MYO16: variants seen among roughly 807,000 people sequenced by gnomAD.
MYO16 encodes the protein unconventional myosin-XVI.
In MYO16, 94 loss-of-function variants were observed where a neutral mutation model predicts 205.3. The observed-to-expected ratio is 0.46, with a 90% CI of 0.39 to 0.54. The LOEUF is 0.54. Among genes scored for constraint, MYO16 ranks in the 20% least tolerant of loss-of-function variants. The pLI is 0.00. For synonymous variants in MYO16, 988 were observed against 954.0 expected (o/e 1.04, Z -0.66); for missense variants, 2,315 against 2,387.5 (o/e 0.97, Z 0.63).
intron 24 of MYO16, chr13:109,048,374 A>T (rs924375288): frequency 1.3e-6 from 1 of 757,896 alleles, no homozygotes; most frequent in East Asian, 2.4e-5. Context: ...CAGAATTTAC[A>T]ATGTACCCTT....
intron 4 of MYO16, among the ~76,000 whole-genome samples, chr13:108,748,696 C>A (rs1049549950): frequency 2.6e-5 from 4 of 152,026 alleles, no homozygotes; most frequent in Non-Finnish European, 5.9e-5. Context: ...GTCCAGTGAT[C>A]ATTGATGAAG....
chr13:108,944,019 A>C (rs1440326569), intron 16 of MYO16, among the ~76,000 whole-genome samples: 3 of 152,242 alleles, frequency 2.0e-5, no homozygotes, highest in African/African-American at 7.2e-5. Flanking sequence ...TGCGTTAGCA[A>C]ATCAGCTGAT....
intron 12 of MYO16, among the ~76,000 whole-genome samples, chr13:108,874,103 T>C (rs1566382704): frequency 6.6e-6 from 1 of 152,178 alleles, no homozygotes; most frequent in East Asian, 1.9e-4. Flanking sequence ...AAAAATCACA[T>C]ACTTCACTTC....
At chr13:108,928,394 T>C (rs1458128357) in intron 16 of MYO16, among the ~76,000 whole-genome samples, 2 of 152,220 alleles carry the variant, frequency 1.3e-5, no homozygotes, top group African/African-American at 4.8e-5. Context: ...CAATGTTATA[T>C]AGAATATTAT....
intron 8 of MYO16, 106 bp downstream of exon 8, chr13:108,820,518 G>A: frequency 1.1e-6 from 1 of 898,660 alleles, no homozygotes; most frequent in Non-Finnish European, 1.8e-6. Flanking sequence ...AGCTGGACAT[G>A]CCTGTGAAGC....
At chr13:108,502,363 C>T in the MYO16 span, among the ~76,000 whole-genome samples, 1 of 152,146 alleles carries the variant, frequency 6.6e-6, no homozygotes, top group Non-Finnish European at 1.5e-5. Flanking sequence ...AACTATTTAG[C>T]ATGATCGACA....
At chr13:108,554,459 C>A in the MYO16 span, among the ~76,000 whole-genome samples, 1 of 152,242 alleles carries the variant, frequency 6.6e-6, no homozygotes, top group Middle Eastern at 3.4e-3. Context: ...CAAGCACTGG[C>A]CATGTTCTTA....
At chr13:109,186,115 G>GTCT (rs1879676286) in intron 34 of MYO16, among the ~76,000 whole-genome samples, 1 of 152,132 alleles carries the variant, frequency 6.6e-6, no homozygotes, top group South Asian at 2.1e-4. Context: ...GCAGTGAGCT[G>GTCT]TCTTCACACC....
intron 16 of MYO16, among the ~76,000 whole-genome samples, chr13:108,937,359 A>G (rs1042304493): frequency 4.0e-5 from 6 of 151,578 alleles, no homozygotes; most frequent in Admixed American, 2.6e-4. Flanking sequence ...TGTTCATTTT[A>G]TATAATATCT....
intron 4 of MYO16, among the ~76,000 whole-genome samples, chr13:108,772,909 G>C (rs1322006908): frequency 6.6e-6 from 1 of 152,134 alleles, no homozygotes; most frequent in Non-Finnish European, 1.5e-5. Context: ...GGATGTCTTA[G>C]TCTGTTTGGG....
chr13:108,731,044 TG>T (rs1884504931), intron 4 of MYO16, among the ~76,000 whole-genome samples: 1 of 152,336 alleles, frequency 6.6e-6, no homozygotes, highest in East Asian at 1.9e-4. Flanking sequence ...TTTGTTCCCA[TG>T]GCAACAACTC....
Position 109,055,521 on chromosome 13 carries a change from T to C in MYO16, c.3261T>C (p.Ile1087=), listed in dbSNP as rs759837441. 3 of 1,613,260 alleles carry C rather than the reference T, an allele frequency of 1.9e-6. No individual in the cohort carries two copies. In the South Asian group the frequency reaches 3.3e-5, roughly 18 times the overall value. ...ACGTGTCTGCTCAGCTACAATATAT[T>C]GGGGTCCTGGAGATGGTGAAGATCT... ...NFYVSAQLQY[I]GVLEMVKIFR... is the part of the protein sequence containing the mutation. Residue 1087 remains isoleucine (I), a synonymous_variant, in exon 27 of 35, where the codon ATT becomes ATC. Transcript: ENST00000457511. This position sits in a 1 kb window ranked among gnomAD's most constrained non-coding sequence, Gnocchi z 5.0.
At chr13:108,918,336 A>G (rs1310381813) in intron 16 of MYO16, among the ~76,000 whole-genome samples, 1 of 152,258 alleles carries the variant, frequency 6.6e-6, no homozygotes, top group African/African-American at 2.4e-5. Flanking sequence ...CTGCACATGC[A>G]TATAAAATTG....
chr13:108,745,305 A>G lies in MYO16; in HGVS notation c.507+17722A>G, dbSNP rs1382370843. ...ATGGAGTGAGGAAACCCTGGGGGCC[A>G]CAGTCTTAGGGGGCCCCACATTTTC... is the stretch of plus-strand genomic sequence containing the variant. On this transcript the variant is annotated intron_variant, in intron 4 of 34. Coordinates refer to ENST00000457511, the MANE Select transcript of MYO16 (RefSeq NM_001198950.3). Among the ~76,000 whole-genome samples, 4 of 152,184 alleles carry G rather than the reference A, an allele frequency of 2.6e-5. No individual in the cohort carries two copies. The East Asian group carries it at 5.8e-4, about 22-fold the overall frequency.
intron 4 of MYO16, among the ~76,000 whole-genome samples, chr13:108,741,400 C>G (rs928331396): frequency 6.6e-6 from 1 of 152,140 alleles, no homozygotes; most frequent in African/African-American, 2.4e-5. Flanking sequence ...CAATTAGGAA[C>G]ACTGGATAGC....
chr13:108,965,773 A>G (rs1282067563), intron 20 of MYO16, among the ~76,000 whole-genome samples: 6 of 152,176 alleles, frequency 3.9e-5, no homozygotes, highest in African/African-American at 1.4e-4. Context: ...TCTCCATTAC[A>G]TATTATCAGT....
intron 1 of MYO16, among the ~76,000 whole-genome samples, chr13:108,653,210 CCTTTTCCCATTTTTAAT>C (rs1881090112): frequency 6.6e-6 from 1 of 152,098 alleles, no homozygotes; most frequent in Non-Finnish European, 1.5e-5. Flanking sequence ...CTATTCAAGT[CCTTTTCCCATTTTTAAT>C]CAGATTATTT....
chr13:109,025,897 A>G (rs1163541737), intron 23 of MYO16, among the ~76,000 whole-genome samples: 1 of 152,236 alleles, frequency 6.6e-6, no homozygotes, highest in Non-Finnish European at 1.5e-5. Context: ...GGTCAAAAGT[A>G]ATAGTTATAC....
intron 27 of MYO16, among the ~76,000 whole-genome samples, chr13:109,086,113 T>TTG (rs141773459): frequency 0.017 from 2,656 of 152,356 alleles, 72 homozygotes; most frequent in African/African-American, 0.061. Flanking sequence ...TAGACATCAT[T>TTG]TGTGCTGCTT....
Sources: allele counts gnomAD v4.1 joint callset (sites outside exome capture counted in the v4.1 genomes callset), GRCh38; gene constraint gnomAD v4.1.1; non-coding constraint Gnocchi (gnomAD v3.1); transcripts MANE v1.5; gene names NCBI Gene and HGNC (gene_info 2026-07-23, HGNC 2026-07-21).